PCDHGA8: variants seen among roughly 807,000 people sequenced by gnomAD.
PCDHGA8 encodes protocadherin gamma-A8.
A neutral mutation model predicts 59.2 loss-of-function variants in PCDHGA8; 45 were observed. That is an observed-to-expected ratio of 0.76 (90% CI 0.60 to 0.98). The LOEUF (loss-of-function observed/expected upper bound fraction) is 0.98. Ranked by LOEUF, PCDHGA8 falls within the 50% of genes least tolerant of loss-of-function variation. The pLI, the probability that PCDHGA8 is intolerant of heterozygous loss-of-function variation, is 0.00. For missense variants in PCDHGA8, 1,257 were observed against 1,196.2 expected (o/e 1.05, Z -0.75); for synonymous variants, 531 against 519.0 (o/e 1.02, Z -0.32).
intron 1 of PCDHGA8, chr5:141,395,534 G>T: frequency 8.7e-6 from 3 of 344,098 alleles, no homozygotes; most frequent in East Asian, 5.8e-5. Context: ...TGGTAATTTT[G>T]CTATTGTTTG....
At chr5:141,417,710 T>A in intron 1 of PCDHGA8, 2 of 1,249,348 alleles carry the variant, frequency 1.6e-6, no homozygotes, top group Admixed American at 5.9e-5. Context: ...ACACAGAGGC[T>A]CCCGGCTGCG....
At chr5:141,421,218 A>G (rs969154252) in intron 1 of PCDHGA8, 1 of 1,570,664 alleles carries the variant, frequency 6.4e-7, no homozygotes, top group Admixed American at 1.9e-5. Flanking sequence ...ATATCGGCTT[A>G]GAGCCTGCCA....
chr5:141,497,689 A>G (rs951295378), intron 2 of PCDHGA8, among the ~76,000 whole-genome samples: 1 of 151,958 alleles, frequency 6.6e-6, no homozygotes, highest in African/African-American at 2.4e-5. Flanking sequence ...GCAGGTGTGC[A>G]CCACCACACC....
At chr5:141,454,131 G>A (rs754465889) in intron 1 of PCDHGA8, among the ~76,000 whole-genome samples, 2 of 152,334 alleles carry the variant, frequency 1.3e-5, no homozygotes, top group South Asian at 2.1e-4. Flanking sequence ...AGCTGACCAT[G>A]GGAATGTTCA....
At chr5:141,472,805 G>C (rs2099297767) in intron 1 of PCDHGA8, among the ~76,000 whole-genome samples, 1 of 151,688 alleles carries the variant, frequency 6.6e-6, no homozygotes, top group African/African-American at 2.4e-5. Context: ...GACCAACATG[G>C]AGAAACCCCC....
chr5:141,508,409 G>T (rs143032030), intron 3 of PCDHGA8: 4 of 152,276 alleles, frequency 2.6e-5, no homozygotes, highest in South Asian at 2.1e-4. Context: ...CTTGAGCCAC[G>T]CAGAGACTTG....
intron 3 of PCDHGA8, among the ~76,000 whole-genome samples, chr5:141,510,440 C>T (rs1251795430): frequency 6.6e-6 from 1 of 152,066 alleles, no homozygotes; most frequent in Non-Finnish European, 1.5e-5. Context: ...TGCTGCCCTC[C>T]AGGAGCCCAT....
Position 141,489,471 on chromosome 5 carries a change from G to A in PCDHGA8, c.2425-5336G>A. ...AGGAGAATGGGCGCTATTTTTCCCT[G>A]AGCTTGATGAGTGGTGCCCTGGCAG... On this transcript the variant is annotated intron_variant, in intron 1 of 3. Transcript: ENST00000398604. This position sits in a 1 kb window ranked among gnomAD's most constrained non-coding sequence, Gnocchi z 4.5. 1 of 1,614,074 alleles carries A rather than the reference G, an allele frequency of 6.2e-7. No homozygotes were observed. The highest frequency in any genetic ancestry group is 8.5e-7 in the Non-Finnish European group (1 of 1,180,026).
At chr5:141,415,738 AGGTTTT>A in intron 1 of PCDHGA8, 1 of 538,082 alleles carries the variant, frequency 1.9e-6, no homozygotes, top group South Asian at 3.9e-5. Flanking sequence ...ATGTTTATTA[AGGTTTT>A]TTTTTTTTTT....
rs778271895 is a variant in PCDHGA8 at position 141,404,140 on chromosome 5, T to C, written c.2424+8903T>C. ...AGAATCTATCTTTTACATTAGAAAA[T>C]TCAGAAGAAGATTATTACAGATTGT... On this transcript the variant is annotated intron_variant, in intron 1 of 3. Coordinates refer to ENST00000398604, the MANE Select transcript of PCDHGA8 (RefSeq NM_032088.2). The C allele has an allele frequency of 8.1e-6, 13 of 1,612,934 alleles. No homozygotes were observed. The South Asian group carries it at 1.3e-4, about 16-fold the overall frequency.
chr5:141,500,460 C>T (rs1421637554), intron 2 of PCDHGA8, among the ~76,000 whole-genome samples: 2 of 152,234 alleles, frequency 1.3e-5, no homozygotes, highest in South Asian at 2.1e-4. Context: ...CCGCCCGCCT[C>T]GGCCTCCCAA....
chr5:141,482,593 G>A (rs1314658005), intron 1 of PCDHGA8, among the ~76,000 whole-genome samples: 4 of 149,900 alleles, frequency 2.7e-5, no homozygotes, highest in Non-Finnish European at 5.9e-5. Flanking sequence ...GGGACCAAAC[G>A]GGAAAAAACA....
At chr5:141,468,746 G>A (rs1298497433) in intron 1 of PCDHGA8, among the ~76,000 whole-genome samples, 1 of 151,850 alleles carries the variant, frequency 6.6e-6, no homozygotes, top group Non-Finnish European at 1.5e-5. Flanking sequence ...GGTGCCTGTA[G>A]TCCCAGCTAC....
At chr5:141,399,842 A>G (rs749737928) in intron 1 of PCDHGA8, 11 of 1,612,852 alleles carry the variant, frequency 6.8e-6, no homozygotes, top group Non-Finnish European at 8.5e-7. Flanking sequence ...GCGCTCTTCG[A>G]TATGGTGCCG....
chr5:141,437,484 T>C (rs547317864), intron 1 of PCDHGA8, among the ~76,000 whole-genome samples: 2 of 152,332 alleles, frequency 1.3e-5, no homozygotes, highest in South Asian at 4.1e-4. Flanking sequence ...ATATTTAATC[T>C]CGTAGATCAC....
rs762530904 is a variant in PCDHGA8, at chr5:141,422,966, C to T, written c.2424+27729C>T. The T allele has an allele frequency of 2.5e-6, 4 of 1,614,112 alleles. No individual in the cohort carries two copies. The East Asian group carries it at 8.9e-5, about 36-fold the overall frequency. ...GGCTCCACTGGCGTGGAGCTGGCGC[C>T]CCGCTCTGCGGAACCTGGCTACCTG... On this transcript the variant is annotated intron_variant, in intron 1 of 3. Coordinates refer to ENST00000398604, the MANE Select transcript of PCDHGA8 (RefSeq NM_032088.2).
At chr5:141,399,959 G>A (rs1257286209) in intron 1 of PCDHGA8, 4 of 1,612,230 alleles carry the variant, frequency 2.5e-6, no homozygotes, top group South Asian at 1.1e-5. Flanking sequence ...AGCGAGCCCG[G>A]GCTCTTCAGC....
rs1562137828 is a variant in PCDHGA8 at position 141,490,359 on chromosome 5, T to C, written c.2425-4448T>C. On this transcript the variant is annotated intron_variant, in intron 1 of 3. Transcript: ENST00000398604. This position sits in a 1 kb window ranked among gnomAD's most constrained non-coding sequence, Gnocchi z 5.4. ...TGGGCACAGTAGTGGGGTTGTTTAA[T>C]GTGCGAGACCGGGACTCAGGTAGAA... The C allele has an allele frequency of 1.9e-6, 3 of 1,614,212 alleles. No individual in the cohort carries two copies. The highest frequency in any genetic ancestry group is 2.5e-6 in the Non-Finnish European group (3 of 1,180,036).
chr5:141,431,642 G>A lies in PCDHGA8; in HGVS notation c.2424+36405G>A, dbSNP rs762914489. The A allele has an allele frequency of 6.2e-7, 1 of 1,614,272 alleles. No homozygotes were observed. The highest frequency in any genetic ancestry group is 1.1e-5 in the South Asian group (1 of 91,090). On this transcript the variant is annotated intron_variant, in intron 1 of 3. Transcript: ENST00000398604. This position sits in a 1 kb window ranked among gnomAD's most constrained non-coding sequence, Gnocchi z 4.8. ...CAAGGCGGCCCAAGTTTTCAAACTA[G>A]ATTGTAATTCAGGGACAATATCAAC... is the stretch of plus-strand genomic sequence containing the variant.
Sources: allele counts gnomAD v4.1 joint callset (sites outside exome capture counted in the v4.1 genomes callset), GRCh38; gene constraint gnomAD v4.1.1; non-coding constraint Gnocchi (gnomAD v3.1); transcripts MANE v1.5; gene names NCBI Gene and HGNC (gene_info 2026-07-23, HGNC 2026-07-21).